The following GPC5 variants were observed in gnomAD, a reference collection of about 807,000 sequenced individuals.
GPC5 encodes the protein glypican 5, also known as glypican-5.
Under a neutral mutation model 53.9 loss-of-function variants are expected in GPC5, and 47 were observed. The observed-to-expected ratio is 0.87, with a 90% CI of 0.69 to 1.11. GPC5 has a LOEUF of 1.11. GPC5 is among the 50% of genes most tolerant of loss of function. GPC5 has a pLI of 0.00. For synonymous variants in GPC5, 286 were observed against 263.3 expected (o/e 1.09, Z -0.84); for missense variants, 748 against 713.1 (o/e 1.05, Z -0.56).
chr13:91,749,946 A>T (rs1340598523), intron 4 of GPC5, among the ~76,000 whole-genome samples: 3 of 152,186 alleles, frequency 2.0e-5, no homozygotes, highest in African/African-American at 7.2e-5. Context: ...AGTAGCTGGG[A>T]TCACAGGCAT....
At chr13:92,847,615 G>A (rs1004305419) in intron 7 of GPC5, among the ~76,000 whole-genome samples, 2 of 151,722 alleles carry the variant, frequency 1.3e-5, no homozygotes, top group African/African-American at 2.4e-5. Context: ...GGGGAACCAT[G>A]AGCCATTAAA....
At chr13:92,827,024 G>A (rs1877872698) in intron 7 of GPC5, among the ~76,000 whole-genome samples, 2 of 152,046 alleles carry the variant, frequency 1.3e-5, no homozygotes, top group African/African-American at 4.8e-5. Flanking sequence ...TGCTTTTCAT[G>A]TCACAGAATT....
At chr13:92,781,554 CATATAT>C (rs1876024446) in intron 7 of GPC5, among the ~76,000 whole-genome samples, 1 of 152,000 alleles carries the variant, frequency 6.6e-6, no homozygotes, top group South Asian at 2.1e-4. Flanking sequence ...GCCTCTAGTT[CATATAT>C]ATAAACAGGA....
At position 91,977,011 on chromosome 13, in the gene GPC5, C is replaced by A. The variant is rs140889206; in HGVS notation, c.1401+68954C>A. Among the ~76,000 whole-genome samples, 958 of 151,338 alleles carry A rather than the reference C, an allele frequency of 6.3e-3. 3 individuals are homozygous for A. The highest frequency in any genetic ancestry group is 0.011 in the Non-Finnish European group (740 of 67,892). On this transcript the variant is annotated intron_variant, in intron 6 of 7. Transcript: ENST00000377067. ...CCAAGATCATGCCATTGCACTCCAG[C>A]CTGGATGACAGAGCAAGATTCTGTC...
chr13:92,070,327 C>G (rs1887117), intron 6 of GPC5, among the ~76,000 whole-genome samples: 1 of 151,922 alleles, frequency 6.6e-6, no homozygotes, highest in Non-Finnish European at 1.5e-5. Context: ...GCATTACTAC[C>G]TGAATACAAC....
intron 7 of GPC5, among the ~76,000 whole-genome samples, chr13:92,257,986 T>C (rs1460272498): frequency 6.6e-6 from 1 of 152,216 alleles, no homozygotes. Flanking sequence ...TTTTAAAAAG[T>C]AATTTGTTTT....
intron 7 of GPC5, among the ~76,000 whole-genome samples, chr13:92,549,874 A>AAC (rs1444725122): frequency 4.6e-5 from 5 of 108,752 alleles, no homozygotes; most frequent in East Asian, 2.2e-4. Flanking sequence ...TCTTTTACCA[A>AAC]ACACACACAT....
At chr13:92,812,709 C>G (rs1474190302) in intron 7 of GPC5, among the ~76,000 whole-genome samples, 1 of 151,740 alleles carries the variant, frequency 6.6e-6, no homozygotes, top group Non-Finnish European at 1.5e-5. Flanking sequence ...ATAGAAAGTC[C>G]TAAAACATCC....
intron 7 of GPC5, among the ~76,000 whole-genome samples, chr13:92,576,706 C>A (rs998465004): frequency 1.3e-5 from 2 of 152,122 alleles, no homozygotes; most frequent in South Asian, 4.1e-4. Context: ...ATCCCTTAAC[C>A]TCAAAATATG....
At chr13:92,644,363 T>A (rs923874800) in intron 7 of GPC5, among the ~76,000 whole-genome samples, 15 of 152,166 alleles carry the variant, frequency 9.9e-5, no homozygotes, top group African/African-American at 3.4e-4. Flanking sequence ...AACTCCTTAG[T>A]AAGTGTTCAA....
At chr13:91,572,353 GT>G (rs1180468452) in intron 2 of GPC5, among the ~76,000 whole-genome samples, 3 of 151,620 alleles carry the variant, frequency 2.0e-5, no homozygotes, top group Non-Finnish European at 4.4e-5. Context: ...GTCTGTATCT[GT>G]TCGTTTTGTG....
chr13:91,583,268 A>C (rs1368182804), intron 2 of GPC5, among the ~76,000 whole-genome samples: 1 of 152,166 alleles, frequency 6.6e-6, no homozygotes, highest in Non-Finnish European at 1.5e-5. Flanking sequence ...AACAAACAAA[A>C]CTATTATTCA....
intron 7 of GPC5, among the ~76,000 whole-genome samples, chr13:92,794,831 TGTGAAAG>T: frequency 6.6e-6 from 1 of 152,068 alleles, no homozygotes; most frequent in Non-Finnish European, 1.5e-5. Context: ...TTACAAGGGA[TGTGAAAG>T]ATCTCTTCAA....
At chr13:91,803,096 G>A (rs1005330759) in intron 5 of GPC5, among the ~76,000 whole-genome samples, 1 of 152,032 alleles carries the variant, frequency 6.6e-6, no homozygotes, top group African/African-American at 2.4e-5. Context: ...TTGAAGATGG[G>A]TTGCTTAACT....
intron 7 of GPC5, among the ~76,000 whole-genome samples, chr13:92,581,515 T>C (rs1438636457): frequency 6.6e-6 from 1 of 152,178 alleles, no homozygotes; most frequent in African/African-American, 2.4e-5. Flanking sequence ...CTTGTGATAG[T>C]GCTGCAATGA....
At chr13:92,397,133 A>T (rs1265143183) in intron 7 of GPC5, among the ~76,000 whole-genome samples, 1 of 152,180 alleles carries the variant, frequency 6.6e-6, no homozygotes, top group African/African-American at 2.4e-5. Flanking sequence ...CTGAACCTCT[A>T]GCAATTTGTC....
rs2043748335 is a variant in GPC5, at chr13:92,381,900, C to CATATATATGATATATATATCATATATATG, written c.1561+236929_1561+236930insTCATATATATGATATATATGATATATATA. ...TATGATTATATATATTATATATAAT[C>CATATATATGATATATATATCATATATATG]ATATATATGATATATATAATCATAT... On this transcript the variant is annotated intron_variant, in intron 7 of 7. Transcript: ENST00000377067. 4.5e-5 allele frequency among the ~76,000 whole-genome samples: 5 copies of CATATATATGATATATATATCATATATATG among 111,588 alleles called. 2 individuals carry two copies. The highest frequency in any genetic ancestry group is 1.9e-4 in the African/African-American group (5 of 26,918). The allele number at this position is 111,588 out of a possible 152,430, so 73.2% of individuals were successfully genotyped here.
chr13:91,656,149 T>G (rs571430865), intron 2 of GPC5, among the ~76,000 whole-genome samples: 1 of 152,318 alleles, frequency 6.6e-6, no homozygotes, highest in East Asian at 1.9e-4. Flanking sequence ...TTGTACTCTT[T>G]TTCCAAAAAT....
intron 5 of GPC5, among the ~76,000 whole-genome samples, chr13:91,893,882 A>G (rs1433449480): frequency 6.6e-6 from 1 of 151,716 alleles, no homozygotes; most frequent in Admixed American, 6.6e-5. Context: ...CTTGAAATCT[A>G]TCATTCTTTG....
Sources: gnomAD v4.1 joint callset for allele counts (sites outside exome capture counted in the v4.1 genomes callset) on GRCh38, gnomAD v4.1.1 for gene constraint, MANE v1.5 for transcripts, NCBI Gene and HGNC (gene_info 2026-07-23, HGNC 2026-07-21) for gene names.